Variants in BRDT observed in about 807,000 individuals in gnomAD.
BRDT encodes the protein bromodomain testis-specific protein.
BRDT carries 77 observed loss-of-function variants against 113.9 expected under a neutral mutation model. The ratio of observed to expected loss-of-function variants is 0.68; its 90% confidence interval spans 0.56 to 0.82. BRDT has a LOEUF of 0.82. Among genes scored for constraint, BRDT ranks in the 40% least tolerant of loss-of-function variants. The pLI is 0.00. For missense variants in BRDT, 1,027 were observed against 1,105.4 expected (o/e 0.93, Z 1.01); for synonymous variants, 358 against 366.5 (o/e 0.98, Z 0.26).
chr1:91,980,954 C>T lies in BRDT; in HGVS notation c.1526C>T (p.Pro509Leu), dbSNP rs1295602989. ...TCTGAAGATGAAGATAATGCTAAAC[C>T]TATGAACTATGATGAGAAAAGGCAG... ...LKSEDEDNAK[P>L]MNYDEKRQLS... The change falls in exon 10 of 19, where the codon CCT (proline) becomes CTT (leucine). Residue 509 changes from proline (P) to leucine (L), a missense_variant. By Grantham distance (98) the Pro-to-Leu change is moderately conservative. Coordinates refer to ENST00000399546, the MANE Select transcript of BRDT (RefSeq NM_207189.4). The T allele has an allele frequency of 6.2e-7, 1 of 1,613,798 alleles. No individual in the cohort carries two copies. The highest frequency in any genetic ancestry group is 1.7e-5 in the Admixed American group (1 of 59,986).
At chr1:91,967,996 T>TA in intron 3 of BRDT, 150 bp from the exon 4 acceptor site, 1 of 682,824 alleles carries the variant, frequency 1.5e-6, no homozygotes, top group East Asian at 2.8e-5. Flanking sequence ...AAATAAAATG[T>TA]GAGCAGCTTC....
At chr1:91,994,304 C>T (rs113095414) in intron 15 of BRDT, 50 bp downstream of exon 15, 1 of 1,383,854 alleles carries the variant, frequency 7.2e-7, no homozygotes, top group Non-Finnish European at 9.9e-7. Context: ...GACTTCTAAA[C>T]CTATACATAT....
intron 2 of BRDT, among the ~76,000 whole-genome samples, chr1:91,964,397 T>C (rs887970520): frequency 1.3e-5 from 2 of 152,198 alleles, no homozygotes; most frequent in Non-Finnish European, 2.9e-5. Flanking sequence ...GGTTTTGCCA[T>C]GTTGGCCAGG....
intron 12 of BRDT, among the ~76,000 whole-genome samples, chr1:91,987,591 C>T (rs1213720193): frequency 6.6e-6 from 1 of 152,160 alleles, no homozygotes; most frequent in African/African-American, 2.4e-5. Flanking sequence ...CCACCTCAGC[C>T]TGCCTCAGCC....
chr1:91,957,971 T>C (rs1009392466), intron 1 of BRDT, among the ~76,000 whole-genome samples: 16 of 152,032 alleles, frequency 1.1e-4, no homozygotes, highest in African/African-American at 3.9e-4. Flanking sequence ...TCCAAGCAGC[T>C]GGGATTACTG....
chr1:91,994,586 G>A lies in BRDT; in HGVS notation c.2287+332G>A, dbSNP rs181492934. ...GAAAAGTAGGAAAGAATAAGGGAGG[G>A]CCGGGCGCGGTGGCTCACGCCTGTA... On this transcript the variant is annotated intron_variant, in intron 15 of 18. Coordinates refer to ENST00000399546, the MANE Select transcript of BRDT (RefSeq NM_207189.4). Among the ~76,000 whole-genome samples the A allele has an allele frequency of 5.8e-3, 890 of 152,260 alleles. 8 individuals carry two copies. Among genetic ancestry groups the A allele is most frequent in the African/African-American group, 0.02 (847 of 41,568 alleles).
chr1:91,958,298 C>G (rs1682027189), intron 1 of BRDT, among the ~76,000 whole-genome samples: 1 of 148,064 alleles, frequency 6.8e-6, no homozygotes, highest in Non-Finnish European at 1.5e-5. Flanking sequence ...TCACTGCAAC[C>G]TTTGTCTCCA....
intron 4 of BRDT, 56 bp from the exon 5 acceptor site, chr1:91,976,210 G>A (rs939694145): frequency 6.9e-7 from 1 of 1,442,436 alleles, no homozygotes; most frequent in Non-Finnish European, 9.3e-7. Context: ...AAGACAGAAA[G>A]TGGTATTTTG....
chr1:91,994,435 C>A (rs1043683270), intron 15 of BRDT, among the ~76,000 whole-genome samples, 181 bp downstream of exon 15: 2 of 152,236 alleles, frequency 1.3e-5, no homozygotes, highest in African/African-American at 4.8e-5. Context: ...CTGCTTTATA[C>A]CTGTAGGCAT....
intron 15 of BRDT, 109 bp from the exon 16 acceptor site, chr1:92,001,940 A>T: frequency 1.5e-6 from 1 of 678,494 alleles, no homozygotes; most frequent in Non-Finnish European, 2.4e-6. Context: ...TCAAAAAATT[A>T]GTCTCTTTGT....
intron 10 of BRDT, 29 bp downstream of exon 10, chr1:91,981,207 C>A (rs376484719): frequency 1.9e-6 from 3 of 1,606,616 alleles, no homozygotes; most frequent in South Asian, 1.1e-5. Flanking sequence ...TAATAGAAAT[C>A]GGTTTGGTAT....
At chr1:91,952,927 G>A (rs965062203) in intron 1 of BRDT, among the ~76,000 whole-genome samples, 1 of 152,056 alleles carries the variant, frequency 6.6e-6, no homozygotes, top group Non-Finnish European at 1.5e-5. Flanking sequence ...TTGAGTCATT[G>A]TAAGGAATAT....
At chr1:91,973,473 A>G (rs1319335455) in intron 4 of BRDT, among the ~76,000 whole-genome samples, 1 of 152,218 alleles carries the variant, frequency 6.6e-6, no homozygotes, top group East Asian at 1.9e-4. Context: ...AGTGGTTTGT[A>G]GTTCTCCTTG....
rs572285816 is a variant in BRDT at position 91,995,822 on chromosome 1, G to A, written c.2287+1568G>A. On this transcript the variant is annotated intron_variant, in intron 15 of 18. Coordinates refer to ENST00000399546, the MANE Select transcript of BRDT (RefSeq NM_207189.4). ...CAGCTAATTTTTTGTCTTTTTAGTA[G>A]AGACAGGGTTTCACCATGTTGGTCA... Among the ~76,000 whole-genome samples the A allele has an allele frequency of 1.3e-4, 20 of 152,076 alleles. No individual in the cohort carries two copies. In the South Asian group the frequency reaches 4.2e-3, roughly 32 times the overall value.
intron 4 of BRDT, among the ~76,000 whole-genome samples, chr1:91,970,070 T>C (rs777947099): frequency 3.9e-5 from 6 of 152,130 alleles, no homozygotes; most frequent in Non-Finnish European, 7.3e-5. Flanking sequence ...CCTTAGGTGA[T>C]CCACCTGCCT....
chr1:91,982,217 C>CT (rs1684793316), intron 12 of BRDT, among the ~76,000 whole-genome samples: 1 of 152,136 alleles, frequency 6.6e-6, no homozygotes, highest in Non-Finnish European at 1.5e-5. Context: ...CCAGTCATCC[C>CT]AGAAGCTGTG....
rs778677885 is a variant in BRDT, at chr1:91,978,277, C to T, written c.1079C>T (p.Thr360Ile). Residue 360 changes from threonine (T) to isoleucine (I), a missense_variant, in exon 7 of 19, where the codon ACA (threonine) becomes ATA (isoleucine). By Grantham distance (89) the Thr-to-Ile change is moderately conservative. Transcript: ENST00000399546. The stretch of plus-strand genomic sequence containing the variant: ...AATCCTCCAGATCACGAAGTTGTGA[C>T]AATGGCAAGAATGCTTCAGGTGAGC... ...KYNPPDHEVVTMARMLQDVFE... is the reference protein window; with the variant it reads ...KYNPPDHEVVIMARMLQDVFE... 4.5e-5 allele frequency: 73 copies of T among 1,613,916 alleles called. No homozygotes were observed. The South Asian group carries it at 7.5e-4, about 17-fold the overall frequency.
chr1:92,001,554 G>C (rs546993594), intron 15 of BRDT, among the ~76,000 whole-genome samples: 1 of 152,238 alleles, frequency 6.6e-6, no homozygotes, highest in Admixed American at 6.5e-5. Flanking sequence ...AAATTAACCA[G>C]GCATGGTGGT....
intron 1 of BRDT, among the ~76,000 whole-genome samples, chr1:91,954,045 C>T (rs1207969084): frequency 6.6e-6 from 1 of 151,960 alleles, no homozygotes; most frequent in Non-Finnish European, 1.5e-5. Flanking sequence ...GATCTCAGCT[C>T]ACTGCAACCT....
Sources: gnomAD v4.1 joint callset for allele counts (sites outside exome capture counted in the v4.1 genomes callset) on GRCh38, gnomAD v4.1.1 for gene constraint, MANE v1.5 for transcripts, NCBI Gene and HGNC (gene_info 2026-07-23, HGNC 2026-07-21) for gene names.